Variants in TMED3 observed in about 807,000 individuals in gnomAD.
TMED3 encodes transmembrane p24 trafficking protein 3.
Under a neutral mutation model 15.0 loss-of-function variants are expected in TMED3, and 9 were observed. That is an observed-to-expected ratio of 0.60 (90% confidence interval 0.36 to 1.04). The LOEUF (loss-of-function observed/expected upper bound fraction) is 1.04. Among genes scored for constraint, TMED3 ranks in the 50% least tolerant of loss-of-function variants. TMED3 has a pLI of 0.01. For missense variants in TMED3, 267 were observed against 278.9 expected (o/e 0.96, Z 0.30); for synonymous variants, 117 against 121.4 (o/e 0.96, Z 0.24).
At chr15:79,339,932 T>A (rs55950266) in intron 2 of TMED3, among the ~76,000 whole-genome samples, 38,318 of 151,088 alleles carry the variant, frequency 0.25, 6,098 homozygotes, top group Middle Eastern at 0.43. Context: ...AGATGATGTG[T>A]GTAGAGAGCA....
chr15:79,342,930 T>C (rs1386202504), intron 2 of TMED3, among the ~76,000 whole-genome samples: 5 of 151,984 alleles, frequency 3.3e-5, no homozygotes, highest in African/African-American at 9.7e-5. Context: ...CAAAGTTAGG[T>C]GTGGGTATAA....
At chr15:79,398,902 TTTTGTTTGTTTG>T (rs900937073) in intron 2 of TMED3, among the ~76,000 whole-genome samples, 4 of 152,136 alleles carry the variant, frequency 2.6e-5, no homozygotes, top group Non-Finnish European at 2.9e-5. Context: ...TTTAAATGTT[TTTTGTTTGTTTG>T]TTTGTTTGTT....
At chr15:79,369,400 A>G (rs187577758) in intron 2 of TMED3, among the ~76,000 whole-genome samples, 143 of 152,302 alleles carry the variant, frequency 9.4e-4, no homozygotes, top group African/African-American at 3.4e-3. Context: ...CCAAGCTAAC[A>G]TGCAGACTGC....
At chr15:79,407,624 C>T (rs772088713) in intron 2 of TMED3, among the ~76,000 whole-genome samples, 1 of 152,166 alleles carries the variant, frequency 6.6e-6, no homozygotes, top group Non-Finnish European at 1.5e-5. Flanking sequence ...GGCCCACCAC[C>T]TGTTTTTCTA....
intron 2 of TMED3, among the ~76,000 whole-genome samples, chr15:79,373,979 G>C (rs922011609): frequency 2.0e-5 from 3 of 152,106 alleles, no homozygotes; most frequent in African/African-American, 7.2e-5. Context: ...TTGTTATGTA[G>C]ATGAAGCCTC....
intron 2 of TMED3, among the ~76,000 whole-genome samples, chr15:79,382,451 CT>C (rs1202029456): frequency 6.6e-6 from 1 of 152,250 alleles, no homozygotes; most frequent in Non-Finnish European, 1.5e-5. Context: ...GGAGCTGCTA[CT>C]TGCTGATACC....
intron 2 of TMED3, among the ~76,000 whole-genome samples, chr15:79,385,237 C>G (rs949620528): frequency 1.3e-5 from 2 of 152,170 alleles, no homozygotes; most frequent in Non-Finnish European, 2.9e-5. Flanking sequence ...CAGGCATGCA[C>G]AGAGACCCAG....
chr15:79,335,323 C>G (rs2058823396), intron 2 of TMED3, among the ~76,000 whole-genome samples: 1 of 152,068 alleles, frequency 6.6e-6, no homozygotes, highest in Admixed American at 6.6e-5. Flanking sequence ...GAAGTTTCAT[C>G]AAACAAACAA....
chr15:79,385,907 C>T (rs1893621389), intron 2 of TMED3, among the ~76,000 whole-genome samples: 1 of 152,176 alleles, frequency 6.6e-6, no homozygotes, highest in Non-Finnish European at 1.5e-5. Context: ...TATTTATTAT[C>T]TTGATTTTAC....
chr15:79,357,046 A>G (rs2058922126), intron 2 of TMED3, among the ~76,000 whole-genome samples: 1 of 152,070 alleles, frequency 6.6e-6, no homozygotes, highest in African/African-American at 2.4e-5. Context: ...ACACATAAAC[A>G]CAGTTATGAA....
intron 2 of TMED3, among the ~76,000 whole-genome samples, chr15:79,377,711 A>G (rs918866335): frequency 2.0e-5 from 3 of 147,452 alleles, no homozygotes. Context: ...GCAGTGGCGC[A>G]ATCTCGGCTC....
intron 2 of TMED3, among the ~76,000 whole-genome samples, chr15:79,386,414 T>C (rs1457739006): frequency 6.6e-6 from 1 of 152,212 alleles, no homozygotes; most frequent in Non-Finnish European, 1.5e-5. Flanking sequence ...TGTCTGATCA[T>C]TTTATGTTAT....
At chr15:79,405,055 C>T (rs1040870069) in intron 2 of TMED3, among the ~76,000 whole-genome samples, 1 of 152,144 alleles carries the variant, frequency 6.6e-6, no homozygotes, top group South Asian at 2.1e-4. Flanking sequence ...CTTCTTGGAC[C>T]CAATTCTGAA....
chr15:79,330,403 AAAAG>A (rs201483302), intron 2 of TMED3, among the ~76,000 whole-genome samples: 27,355 of 152,144 alleles, frequency 0.18, 2,429 homozygotes, highest in Admixed American at 0.24. Context: ...ACCTAGCTGA[AAAAG>A]AAGTCAAGAA....
chr15:79,313,335 C>A (rs923036271), intron 1 of TMED3, among the ~76,000 whole-genome samples: 3 of 152,156 alleles, frequency 2.0e-5, no homozygotes, highest in African/African-American at 7.2e-5. Flanking sequence ...TATGTTCATT[C>A]ATGCTTCAGA....
chr15:79,317,118 C>T (rs922221317), intron 2 of TMED3, among the ~76,000 whole-genome samples: 6 of 152,166 alleles, frequency 3.9e-5, no homozygotes, highest in African/African-American at 1.4e-4. Flanking sequence ...TAGAGTATCA[C>T]CTGTTGCTCC....
At chr15:79,339,245 A>G (rs946589634) in intron 2 of TMED3, among the ~76,000 whole-genome samples, 1 of 152,118 alleles carries the variant, frequency 6.6e-6, no homozygotes, top group Non-Finnish European at 1.5e-5. Context: ...GGCCTTACCT[A>G]TCATTGGAGA....
At chr15:79,323,106 T>G (rs1200693837), downstream of TMED3, among the ~76,000 whole-genome samples, 1 of 152,202 alleles carries the variant, frequency 6.6e-6, no homozygotes, top group Non-Finnish European at 1.5e-5. Flanking sequence ...CTCCCGGATA[T>G]CTGCATGCCC....
chr15:79,342,764 T>C (rs1292111394), intron 2 of TMED3, among the ~76,000 whole-genome samples: 5 of 152,226 alleles, frequency 3.3e-5, no homozygotes, highest in Middle Eastern at 3.2e-3. Flanking sequence ...GTTAAGTGTC[T>C]GTGTTACACT....
Sources: gnomAD v4.1 joint callset for allele counts (sites outside exome capture counted in the v4.1 genomes callset) on GRCh38, gnomAD v4.1.1 for gene constraint, MANE v1.5 for transcripts, NCBI Gene and HGNC (gene_info 2026-07-23, HGNC 2026-07-21) for gene names.